FAT4: variants seen among roughly 807,000 people sequenced by gnomAD.
The protein encoded by FAT4 is protocadherin Fat 4.
In FAT4, 84 loss-of-function variants were observed where a neutral mutation model predicts 303.9. The observed-to-expected ratio is 0.28, with a 90% CI of 0.23 to 0.33. FAT4 has a LOEUF of 0.33. FAT4 is among the 10% of genes least tolerant of loss of function. The pLI is 1.00. For synonymous variants in FAT4, 2,307 were observed against 2,298.8 expected (o/e 1.00, Z -0.10); for missense variants, 6,005 against 6,146.8 (o/e 0.98, Z 0.77).
Position 125,415,009 on chromosome 4 carries a change from T to C in FAT4, c.6046T>C (p.Leu2016=). 6.2e-7 allele frequency: 1 copy of C among 1,614,032 alleles called. No individual in the cohort carries two copies. Among genetic ancestry groups the C allele is most frequent in the South Asian group, 1.1e-5 (1 of 91,084 alleles). Residue 2016 remains leucine (L), a synonymous_variant, in exon 6 of 18, where the codon TTG becomes CTG. Transcript: ENST00000394329. ...TCGGGAAAGTCAGTCCTTCTACAACTTGGTTGTTCAAGTGCATGACCTGCC... is the reference window on the plus strand; with the variant it reads ...TCGGGAAAGTCAGTCCTTCTACAACCTGGTTGTTCAAGTGCATGACCTGCC... ...LDRESQSFYN[L]VVQVHDLPQI...
At chr4:125,394,174 G>T (rs991022471) in intron 2 of FAT4, among the ~76,000 whole-genome samples, 2 of 152,100 alleles carry the variant, frequency 1.3e-5, no homozygotes, top group South Asian at 4.1e-4. Context: ...ATCTTTAAAG[G>T]GCAGTTTTTA....
At position 125,321,264 on chromosome 4, in the gene FAT4, C is replaced by T; in HGVS notation, c.4853C>T (p.Thr1618Ile). 6.2e-7 allele frequency: 1 copy of T among 1,614,050 alleles called. No homozygotes were observed. Residue 1618 changes from threonine (T) to isoleucine (I), a missense_variant, in exon 2 of 18, where the codon ACC becomes ATC. Physicochemically the swap from Thr to Ile is moderately conservative, Grantham distance 89. Transcript: ENST00000394329. ...AGGAGGAAATCGACCACTGAATTGA[C>T]CATCATTCTTCAGGGCCTTGATGGA... is the stretch of plus-strand genomic sequence containing the variant. ...PERRKSTTELTIILQGLDGPV... is the reference protein window; with the variant it reads ...PERRKSTTELIIILQGLDGPV...
chr4:125,382,875 C>T (rs1330718706), intron 2 of FAT4, among the ~76,000 whole-genome samples: 1 of 152,168 alleles, frequency 6.6e-6, no homozygotes, highest in African/African-American at 2.4e-5. Context: ...GCTGCTTCAC[C>T]TTGTGCTTTT....
At chr4:125,437,015 C>T (rs1341679601) in intron 8 of FAT4, among the ~76,000 whole-genome samples, 9 of 151,970 alleles carry the variant, frequency 5.9e-5, no homozygotes, top group South Asian at 4.2e-4. Flanking sequence ...CCACCACACT[C>T]GGCTAATTTT....
At chr4:125,351,060 A>G (rs1732202565) in intron 2 of FAT4, among the ~76,000 whole-genome samples, 1 of 151,766 alleles carries the variant, frequency 6.6e-6, no homozygotes, top group African/African-American at 2.4e-5. Context: ...GACAGCCAAC[A>G]GAAGCTGCAC....
At chr4:125,454,216 C>A (rs896590320) in intron 10 of FAT4, among the ~76,000 whole-genome samples, 1 of 152,240 alleles carries the variant, frequency 6.6e-6, no homozygotes. Flanking sequence ...GTTATATTTT[C>A]AAAAGTGTCC....
rs763440848 is a variant in FAT4, at chr4:125,317,597, G to T, written c.1186G>T (p.Val396Leu). 1.2e-6 allele frequency: 2 copies of T among 1,613,794 alleles called. No individual in the cohort carries two copies. Among genetic ancestry groups the T allele is most frequent in the African/African-American group, 1.3e-5 (1 of 74,924 alleles). Residue 396 changes from valine to leucine, a missense_variant, in exon 2 of 18, where the codon GTG becomes TTG. Transcript: ENST00000394329. The surrounding 1 kb of genome is among the most constrained non-coding windows in gnomAD (Gnocchi z 7.0). ...TCCCGCGGCCAACGGGAACATCTCC[G>T]TGCAAATTCTCGGGGGCAATGAGCA... ...DSPAANGNIS[V>L]QILGGNEQRH...
chr4:125,418,670 G>A (rs949494199), intron 7 of FAT4, among the ~76,000 whole-genome samples: 1 of 152,010 alleles, frequency 6.6e-6, no homozygotes. Context: ...ATGGATATTC[G>A]GCCTTCATTA....
intron 12 of FAT4, among the ~76,000 whole-genome samples, chr4:125,469,251 G>A (rs1435603324): frequency 6.6e-6 from 1 of 152,194 alleles, no homozygotes; most frequent in Non-Finnish European, 1.5e-5. Flanking sequence ...GTCTTAGCTA[G>A]TCATAGTCTT....
chr4:125,478,726 T>G (rs546740227), intron 14 of FAT4, among the ~76,000 whole-genome samples: 1 of 152,224 alleles, frequency 6.6e-6, no homozygotes, highest in African/African-American at 2.4e-5. Context: ...AGACGGGGTT[T>G]CACCATGTTG....
chr4:125,340,412 C>T (rs1231077629), intron 2 of FAT4, among the ~76,000 whole-genome samples: 1 of 151,050 alleles, frequency 6.6e-6, no homozygotes, highest in Non-Finnish European at 1.5e-5. Flanking sequence ...GAGACGGAGC[C>T]TCGCTCTGTC....
At chr4:125,332,222 T>G (rs1293571906) in intron 2 of FAT4, among the ~76,000 whole-genome samples, 1 of 151,900 alleles carries the variant, frequency 6.6e-6, no homozygotes, top group Non-Finnish European at 1.5e-5. Context: ...TCAAGCATTT[T>G]TATGTTCATT....
In FAT4 at chr4:125,452,626, T is replaced by C; in HGVS notation, c.11616T>C (p.Pro3872=). ...ATATAGATGAATGTCTTCCATCACC[T>C]TGCCACAGTGGTGGAACCTGTCACA... is the stretch of plus-strand genomic sequence containing the variant. ...EIDIDECLPS[P]CHSGGTCHNL... The change falls in exon 10 of 18, where the codon CCT becomes CCC. Residue 3872 remains proline (P), a synonymous_variant. Transcript: ENST00000394329. 1 of 1,614,172 alleles carries C rather than the reference T, an allele frequency of 6.2e-7. No homozygotes were observed. The highest frequency in any genetic ancestry group is 1.1e-5 in the South Asian group (1 of 91,086).
At chr4:125,485,642 T>G (rs1727382617) in intron 16 of FAT4, among the ~76,000 whole-genome samples, 1 of 152,190 alleles carries the variant, frequency 6.6e-6, no homozygotes, top group South Asian at 2.1e-4. Flanking sequence ...GAGGCTGGTT[T>G]ACAGCTATTT....
rs767730943 is a variant in FAT4 at position 125,316,646 on chromosome 4, G to T, written c.235G>T (p.Ala79Ser). 8.9e-5 allele frequency: 144 copies of T among 1,613,550 alleles called. 1 individual carries two copies. In the South Asian group the frequency reaches 1.4e-3, roughly 16 times the overall value. ...GFTYRLSESH[A>S]LFAINSSTGA... Reference sequence around the variant, plus strand: ...CACCTACAGGCTCAGCGAAAGCCACGCCCTGTTTGCCATAAACAGTAGCAC... The same window carrying T: ...CACCTACAGGCTCAGCGAAAGCCACTCCCTGTTTGCCATAAACAGTAGCAC... Residue 79 changes from alanine (A) to serine (S), a missense_variant, in exon 2 of 18, where the codon GCC (alanine) becomes TCC (serine). Transcript: ENST00000394329. The surrounding 1 kb of genome is among the most constrained non-coding windows in gnomAD (Gnocchi z 5.7).
intron 10 of FAT4, among the ~76,000 whole-genome samples, chr4:125,453,508 A>G (rs1366992945): frequency 6.6e-6 from 1 of 152,108 alleles, no homozygotes; most frequent in East Asian, 1.9e-4. Flanking sequence ...AGAGATCGAG[A>G]CCATCCTGGC....
intron 2 of FAT4, among the ~76,000 whole-genome samples, chr4:125,349,289 T>C (rs1211373851): frequency 6.6e-6 from 1 of 151,780 alleles, no homozygotes; most frequent in African/African-American, 2.4e-5. Context: ...TATTCAGCAT[T>C]CTATTATCTA....
Position 125,318,533 on chromosome 4 carries a change from A to C in FAT4, c.2122A>C (p.Ile708Leu). ...IKENEPGGSY[I>L]TTVSATDPDL... The stretch of plus-strand genomic sequence containing the variant: ...GGAGAATGAGCCTGGAGGTAGCTAC[A>C]TCACCACTGTGTCTGCCACTGACCC... Residue 708 changes from isoleucine to leucine, a missense_variant, in exon 2 of 18, where the codon ATC (isoleucine) becomes CTC (leucine). Ile to Leu is a conservative substitution (Grantham distance 5, BLOSUM62 2). Coordinates refer to ENST00000394329, the MANE Select transcript of FAT4 (RefSeq NM_001291303.3). The C allele has an allele frequency of 6.2e-7, 1 of 1,614,170 alleles. No homozygotes were observed. Among genetic ancestry groups the C allele is most frequent in the Non-Finnish European group, 8.5e-7 (1 of 1,180,030 alleles).
intron 10 of FAT4, among the ~76,000 whole-genome samples, chr4:125,453,624 T>C (rs1177440051): frequency 6.6e-6 from 1 of 151,698 alleles, no homozygotes; most frequent in African/African-American, 2.4e-5. Flanking sequence ...AAGAATCACT[T>C]AAATTCGGGA....
Sources: gnomAD v4.1 joint callset for allele counts (sites outside exome capture counted in the v4.1 genomes callset) on GRCh38, gnomAD v4.1.1 for gene constraint, Gnocchi (gnomAD v3.1) non-coding constraint, MANE v1.5 for transcripts, NCBI Gene and HGNC (gene_info 2026-07-23, HGNC 2026-07-21) for gene names.